Variants in MAF observed in about 807,000 individuals in gnomAD.
MAF encodes the protein transcription factor Maf.
Under a neutral mutation model 22.0 loss-of-function variants are expected in MAF, and 10 were observed. That is an observed-to-expected ratio of 0.45 (90% CI 0.28 to 0.77). The LOEUF (loss-of-function observed/expected upper bound fraction) is 0.77, where lower values mean the gene tolerates loss of function less well. Ranked by LOEUF, MAF falls within the 30% of genes least tolerant of loss-of-function variation. MAF has a pLI of 0.12. For missense variants in MAF, 544 were observed against 548.4 expected, an observed-to-expected ratio of 0.99 and a Z score of 0.08; for synonymous variants, 337 against 255.8, an observed-to-expected ratio of 1.32 and a Z score of -3.03.
the MAF span, among the ~76,000 whole-genome samples, chr16:79,273,121 C>G: frequency 6.6e-6 from 1 of 152,112 alleles, no homozygotes. Flanking sequence ...TTGCTGGGGC[C>G]CTAAGATACA....
chr16:79,376,436 G>C, the MAF span, among the ~76,000 whole-genome samples: 1 of 152,046 alleles, frequency 6.6e-6, no homozygotes, highest in Non-Finnish European at 1.5e-5. Context: ...TCCACCCCTA[G>C]ATATAAGCCC....
At chr16:79,420,004 G>T in the MAF span, among the ~76,000 whole-genome samples, 11 of 148,804 alleles carry the variant, frequency 7.4e-5, no homozygotes, top group African/African-American at 1.5e-4. Context: ...GTAACACACG[G>T]TTTTTTTTTT....
At chr16:79,314,924 G>A in the MAF span, among the ~76,000 whole-genome samples, 1 of 152,174 alleles carries the variant, frequency 6.6e-6, no homozygotes, top group Non-Finnish European at 1.5e-5. Context: ...TGCAGGAAGT[G>A]ACCTCGAAAT....
At chr16:79,361,857 G>A in the MAF span, among the ~76,000 whole-genome samples, 1 of 152,154 alleles carries the variant, frequency 6.6e-6, no homozygotes, top group Non-Finnish European at 1.5e-5. Flanking sequence ...TTACAGAGAG[G>A]CATCTTGTCT....
chr16:79,300,082 G>A, the MAF span, among the ~76,000 whole-genome samples: 1 of 152,314 alleles, frequency 6.6e-6, no homozygotes, highest in East Asian at 1.9e-4. Flanking sequence ...AAAAGCACAT[G>A]CTCCAAAAAT....
chr16:79,267,745 A>G, the MAF span, among the ~76,000 whole-genome samples: 1 of 152,194 alleles, frequency 6.6e-6, no homozygotes, highest in African/African-American at 2.4e-5. Context: ...TGTCAGGAGT[A>G]AGGGGAGAAC....
chr16:79,481,825 C>T, the MAF span, among the ~76,000 whole-genome samples: 2 of 152,196 alleles, frequency 1.3e-5, no homozygotes, highest in South Asian at 4.1e-4. Context: ...GAGAGCAATG[C>T]CACCTTGAGA....
At chr16:79,441,172 C>T in the MAF span, among the ~76,000 whole-genome samples, 1 of 152,190 alleles carries the variant, frequency 6.6e-6, no homozygotes, top group African/African-American at 2.4e-5. Context: ...GCTACTTACA[C>T]CATTGCACAC....
chr16:79,500,307 C>T, the MAF span, among the ~76,000 whole-genome samples: 1 of 152,190 alleles, frequency 6.6e-6, no homozygotes, highest in African/African-American at 2.4e-5. Context: ...GCCATCTCCA[C>T]CAACATTCTT....
the MAF span, among the ~76,000 whole-genome samples, chr16:79,469,491 C>A: frequency 2.0e-5 from 3 of 152,162 alleles, no homozygotes; most frequent in Non-Finnish European, 4.4e-5. Flanking sequence ...AAATTGTCTA[C>A]TTCATTGAAC....
At chr16:79,472,864 T>C in the MAF span, among the ~76,000 whole-genome samples, 1 of 151,844 alleles carries the variant, frequency 6.6e-6, no homozygotes, top group Admixed American at 6.6e-5. Context: ...GAACAAGCAG[T>C]AAAAGAGCAT....
chr16:79,536,956 T>A, the MAF span, among the ~76,000 whole-genome samples: 1 of 152,148 alleles, frequency 6.6e-6, no homozygotes, highest in Non-Finnish European at 1.5e-5. Flanking sequence ...GGATGACTAT[T>A]TCATGATAGT....
At chr16:79,275,329 G>A in the MAF span, among the ~76,000 whole-genome samples, 45 of 152,320 alleles carry the variant, frequency 3.0e-4, 1 homozygote, top group South Asian at 9.3e-3. Flanking sequence ...CTGGGCGACA[G>A]AGCAAGAATC....
downstream of MAF, among the ~76,000 whole-genome samples, chr16:79,584,282 C>T (rs960644027): frequency 1.3e-5 from 2 of 152,118 alleles, no homozygotes; most frequent in Non-Finnish European, 2.9e-5. Context: ...AATCCCTTAA[C>T]CAAAGTGACA....
intron 1 of MAF, chr16:79,595,949 C>T (rs1194824781): frequency 9.4e-7 from 1 of 1,060,312 alleles, no homozygotes; most frequent in Non-Finnish European, 1.1e-6. Flanking sequence ...AAACAAACAA[C>T]TATGATTTGT....
the MAF span, chr16:79,212,390 C>A: frequency 2.1e-6 from 1 of 466,180 alleles, no homozygotes; most frequent in South Asian, 4.1e-5. Context: ...TACCAGGTGG[C>A]AAAGTACTTG....
chr16:79,228,658 G>C, the MAF span, among the ~76,000 whole-genome samples: 1 of 152,048 alleles, frequency 6.6e-6, no homozygotes. Flanking sequence ...AGACAGGCAT[G>C]AAAGATAGAG....
the MAF span, among the ~76,000 whole-genome samples, chr16:79,540,368 C>A: frequency 6.6e-6 from 1 of 152,064 alleles, no homozygotes; most frequent in Non-Finnish European, 1.5e-5. Flanking sequence ...TCACTGGCTC[C>A]CAGAAGAACC....
the MAF span, among the ~76,000 whole-genome samples, chr16:79,532,343 T>A: frequency 5.0e-3 from 768 of 152,306 alleles, 6 homozygotes; most frequent in African/African-American, 0.018. Flanking sequence ...AAATATTTTA[T>A]GCAAATAAGA....
Sources: gnomAD v4.1 joint callset for allele counts (sites outside exome capture counted in the v4.1 genomes callset) on GRCh38, gnomAD v4.1.1 for gene constraint, MANE v1.5 for transcripts, NCBI Gene and HGNC (gene_info 2026-07-23, HGNC 2026-07-21) for gene names.